Variants in CHSY3 observed in about 807,000 individuals in gnomAD.
The protein encoded by CHSY3 is chondroitin sulfate synthase 3.
Under a neutral mutation model 67.2 loss-of-function variants are expected in CHSY3, and 35 were observed. The observed-to-expected ratio is 0.52, with a 90% confidence interval of 0.40 to 0.69. The LOEUF (loss-of-function observed/expected upper bound fraction) is 0.69. CHSY3 is among the 30% of genes least tolerant of loss of function. CHSY3 has a pLI of 0.00. For synonymous variants in CHSY3, 474 were observed against 434.7 expected, an observed-to-expected ratio of 1.09 and a Z score of -1.12; for missense variants, 1,069 against 1,138.5, an observed-to-expected ratio of 0.94 and a Z score of 0.88.
At chr5:130,086,149 A>T (rs1766613977) in intron 2 of CHSY3, among the ~76,000 whole-genome samples, 1 of 151,998 alleles carries the variant, frequency 6.6e-6, no homozygotes, top group Non-Finnish European at 1.5e-5. Context: ...AGCTGAGTTC[A>T]ATTCCTGAGT....
chr5:130,033,996 A>G (rs1298836768), intron 2 of CHSY3, among the ~76,000 whole-genome samples: 1 of 152,192 alleles, frequency 6.6e-6, no homozygotes, highest in Non-Finnish European at 1.5e-5. Flanking sequence ...GTTGCAAAAG[A>G]GTGAATTTTG....
intron 2 of CHSY3, among the ~76,000 whole-genome samples, chr5:130,133,085 G>A (rs1278364447): frequency 6.6e-6 from 1 of 152,160 alleles, no homozygotes; most frequent in Non-Finnish European, 1.5e-5. Flanking sequence ...TGTAATATGG[G>A]TGGGCATGCT....
At chr5:130,136,804 G>T (rs763175462) in intron 2 of CHSY3, among the ~76,000 whole-genome samples, 3 of 151,990 alleles carry the variant, frequency 2.0e-5, no homozygotes, top group Admixed American at 1.3e-4. Context: ...AAAATATAAA[G>T]ATTTATTTAA....
rs370276520 is a variant in CHSY3, at chr5:130,107,570, A to G, written c.1087-76659A>G. Reference sequence around the variant, plus strand: ...TGTTTTCCTTCTGCTTTATACATACATATACCACTTTTGCAAATGTGCTGT... The same window carrying G: ...TGTTTTCCTTCTGCTTTATACATACGTATACCACTTTTGCAAATGTGCTGT... On this transcript the variant is annotated intron_variant, in intron 2 of 2. Transcript: ENST00000305031. Among the ~76,000 whole-genome samples the G allele has an allele frequency of 2.9e-4, 44 of 151,696 alleles. No individual in the cohort carries two copies. The East Asian group carries it at 6.4e-3, about 22-fold the overall frequency.
chr5:129,968,512 A>G (rs922410405), intron 2 of CHSY3, among the ~76,000 whole-genome samples: 12 of 151,824 alleles, frequency 7.9e-5, no homozygotes, highest in African/African-American at 2.9e-4. Context: ...TTGGTACTCT[A>G]ACATTTAACT....
intron 2 of CHSY3, among the ~76,000 whole-genome samples, chr5:130,100,057 G>T (rs1327914818): frequency 6.6e-6 from 1 of 152,088 alleles, no homozygotes; most frequent in Non-Finnish European, 1.5e-5. Flanking sequence ...ATTTTGGAAA[G>T]CATCAATGCT....
At chr5:129,939,285 A>G (rs950788534) in intron 2 of CHSY3, among the ~76,000 whole-genome samples, 7 of 152,054 alleles carry the variant, frequency 4.6e-5, no homozygotes, top group African/African-American at 1.4e-4. Context: ...CTCCTCCAAC[A>G]CTGGGGATTG....
chr5:129,987,821 G>T (rs908980483), intron 2 of CHSY3, among the ~76,000 whole-genome samples: 1 of 152,088 alleles, frequency 6.6e-6, no homozygotes, highest in African/African-American at 2.4e-5. Context: ...GGACTGTTTT[G>T]TTTTTTCATA....
intron 2 of CHSY3, among the ~76,000 whole-genome samples, chr5:130,091,138 A>ACACACACG (rs201758100): frequency 0.012 from 1,203 of 98,936 alleles, 16 homozygotes; most frequent in African/African-American, 0.04. Flanking sequence ...ACACACACGC[A>ACACACACG]CACGCGCGCA....
chr5:130,024,961 A>G (rs932536306), intron 2 of CHSY3, among the ~76,000 whole-genome samples: 1 of 152,236 alleles, frequency 6.6e-6, no homozygotes, highest in East Asian at 1.9e-4. Flanking sequence ...GTTCAGTTTT[A>G]TTAGTCTATT....
intron 2 of CHSY3, among the ~76,000 whole-genome samples, chr5:129,948,699 C>G (rs1761938505): frequency 6.6e-6 from 1 of 152,132 alleles, no homozygotes. Flanking sequence ...CCGGTGGATA[C>G]CCAGTAGTGG....
intron 2 of CHSY3, among the ~76,000 whole-genome samples, chr5:130,060,451 T>C (rs1359292433): frequency 3.3e-5 from 5 of 152,212 alleles, no homozygotes; most frequent in Admixed American, 6.5e-5. Context: ...AACCCACAGT[T>C]ATCATACTGC....
Position 130,118,471 on chromosome 5 carries a change from CA to C in CHSY3, c.1087-65757del, listed in dbSNP as rs375939519. 4.1e-3 allele frequency among the ~76,000 whole-genome samples: 617 copies of C among 150,458 alleles called. 5 individuals carry two copies. The highest frequency in any genetic ancestry group is 0.035 in the South Asian group (165 of 4,750). On this transcript the variant is annotated intron_variant, in intron 2 of 2. Coordinates refer to ENST00000305031, the MANE Select transcript of CHSY3 (RefSeq NM_175856.5). ...ACACACACACACACATATACACATA[CA>C]TATATATAATGTATATATGTGTGTG...
intron 2 of CHSY3, among the ~76,000 whole-genome samples, chr5:129,924,375 CA>C (rs1186098206): frequency 6.6e-6 from 1 of 152,036 alleles, no homozygotes; most frequent in Non-Finnish European, 1.5e-5. Flanking sequence ...CGGCCGAGCG[CA>C]GTGGCTCATG....
intron 2 of CHSY3, among the ~76,000 whole-genome samples, chr5:130,007,073 A>T (rs866372800): frequency 6.6e-6 from 1 of 152,228 alleles, no homozygotes; most frequent in African/African-American, 2.4e-5. Context: ...TGAGTAATAC[A>T]ATGAAATTTT....
chr5:130,086,007 G>C (rs1766605426), intron 2 of CHSY3, among the ~76,000 whole-genome samples: 1 of 152,104 alleles, frequency 6.6e-6, no homozygotes, highest in Non-Finnish European at 1.5e-5. Context: ...TTTTACATTT[G>C]CTGAGGAGTG....
intron 2 of CHSY3, among the ~76,000 whole-genome samples, chr5:130,130,114 CAG>C (rs1218611151): frequency 1.3e-5 from 2 of 152,038 alleles, no homozygotes; most frequent in Non-Finnish European, 2.9e-5. Context: ...ATTAGGATGT[CAG>C]AGTTTATAGA....
intron 2 of CHSY3, among the ~76,000 whole-genome samples, chr5:130,078,508 A>G (rs1766343009): frequency 6.6e-6 from 1 of 152,136 alleles, no homozygotes. Context: ...TATTTTAAAG[A>G]CTTACACGTC....
intron 2 of CHSY3, among the ~76,000 whole-genome samples, chr5:130,039,802 T>C (rs982416736): frequency 6.6e-6 from 1 of 152,046 alleles, no homozygotes; most frequent in Non-Finnish European, 1.5e-5. Context: ...TAAATAGCAG[T>C]TGTGGCAAAT....
Sources: gnomAD v4.1 joint callset for allele counts (sites outside exome capture counted in the v4.1 genomes callset) on GRCh38, gnomAD v4.1.1 for gene constraint, MANE v1.5 for transcripts, NCBI Gene and HGNC (gene_info 2026-07-23, HGNC 2026-07-21) for gene names.